ASTN2: variants seen among roughly 807,000 people sequenced by gnomAD.
ASTN2 encodes the protein astrotactin-2.
A neutral mutation model predicts 139.8 loss-of-function variants in ASTN2; 54 were observed. The observed-to-expected ratio is 0.39, with a 90% CI of 0.31 to 0.48. The LOEUF is 0.48. Among genes scored for constraint, ASTN2 ranks in the 20% least tolerant of loss-of-function variants. The probability of loss-of-function intolerance (pLI) is 0.95; values close to 1 mark genes in which losing one functional copy is unlikely to be tolerated. For synonymous variants in ASTN2, 756 were observed against 719.5 expected, an observed-to-expected ratio of 1.05 and a Z score of -0.81; for missense variants, 1,565 against 1,725.1, an observed-to-expected ratio of 0.91 and a Z score of 1.64.
At chr9:116,735,211 G>A (rs556339903) in intron 13 of ASTN2, among the ~76,000 whole-genome samples, 27 of 152,308 alleles carry the variant, frequency 1.8e-4, no homozygotes, top group African/African-American at 6.0e-4. Flanking sequence ...GCTGCTGTGT[G>A]TGGGTGTGCC....
intron 3 of ASTN2, among the ~76,000 whole-genome samples, chr9:117,197,772 C>T (rs1831554995): frequency 6.6e-6 from 1 of 152,134 alleles, no homozygotes; most frequent in African/African-American, 2.4e-5. Flanking sequence ...TTATATAATA[C>T]AAACTTCTTT....
intron 2 of ASTN2, among the ~76,000 whole-genome samples, chr9:117,261,830 C>T (rs1487975141): frequency 6.6e-6 from 1 of 152,084 alleles, no homozygotes; most frequent in African/African-American, 2.4e-5. Flanking sequence ...ATACCTTTTG[C>T]TTTTCTCAAA....
intron 2 of ASTN2, among the ~76,000 whole-genome samples, chr9:117,253,389 C>A (rs1394948369): frequency 6.6e-6 from 1 of 152,190 alleles, no homozygotes; most frequent in Non-Finnish European, 1.5e-5. Context: ...GAGCTCCAGG[C>A]TAGGGACCAA....
chr9:117,397,847 CGAA>C (rs1036941321), intron 1 of ASTN2, among the ~76,000 whole-genome samples: 6 of 152,076 alleles, frequency 3.9e-5, no homozygotes, highest in Admixed American at 6.5e-5. Context: ...AGAAGTTTAA[CGAA>C]GAAGAAGAGA....
intron 11 of ASTN2, among the ~76,000 whole-genome samples, chr9:116,852,774 A>T (rs538205495): frequency 2.2e-4 from 33 of 152,136 alleles, no homozygotes; most frequent in Non-Finnish European, 4.3e-4. Context: ...TGGGTGGAAG[A>T]GAGTCCTACA....
chr9:117,328,400 T>C (rs1828591823), intron 1 of ASTN2, among the ~76,000 whole-genome samples: 1 of 152,178 alleles, frequency 6.6e-6, no homozygotes, highest in Non-Finnish European at 1.5e-5. Flanking sequence ...TTGAGAAACT[T>C]TGGGACTGTT....
intron 5 of ASTN2, among the ~76,000 whole-genome samples, chr9:117,093,630 A>T (rs1828760979): frequency 6.6e-6 from 1 of 152,144 alleles, no homozygotes; most frequent in East Asian, 1.9e-4. Context: ...AAACTATATG[A>T]AACAGAAAAA....
chr9:117,280,983 A>C (rs1834310746), intron 2 of ASTN2, among the ~76,000 whole-genome samples: 1 of 152,218 alleles, frequency 6.6e-6, no homozygotes, highest in Admixed American at 6.5e-5. Flanking sequence ...TACATTTATT[A>C]ACTGGAATTC....
rs377327776 is a variant in ASTN2 at position 116,820,734 on chromosome 9, T to C, written c.2090A>G (p.His697Arg). The change falls in exon 12 of 23, where the codon CAC (histidine) becomes CGC (arginine). Residue 697 changes from histidine to arginine, a missense_variant. His to Arg is a conservative substitution (Grantham distance 29). This residue lies in a region of ASTN2 where 503 missense variants were observed against 591.7 expected (regional missense o/e 0.85). Transcript: ENST00000313400. ...ATCAGAGCAGTCAATGCCTTTGGAG[T>C]GGTCGTAGCAGCCAGAGCCATCCTT... ...PMKDGSGCYDHSKGIDCSDGF... is the reference protein window; with the variant it reads ...PMKDGSGCYDRSKGIDCSDGF... 4 of 1,613,856 alleles carry C rather than the reference T, an allele frequency of 2.5e-6. No individual in the cohort carries two copies. The South Asian group carries it at 4.4e-5, about 18-fold the overall frequency.
At chr9:116,449,931 A>G (rs1034644031) in intron 20 of ASTN2, among the ~76,000 whole-genome samples, 9 of 152,180 alleles carry the variant, frequency 5.9e-5, no homozygotes, top group Non-Finnish European at 8.8e-5. Context: ...CCAGCTTTTG[A>G]ATTCTTGCAG....
intron 22 of ASTN2, among the ~76,000 whole-genome samples, chr9:116,428,629 T>C (rs372089659): frequency 3.3e-5 from 5 of 152,020 alleles, no homozygotes; most frequent in African/African-American, 9.7e-5. Flanking sequence ...CAGTGAAAAC[T>C]GGAAGGAGCC....
chr9:116,474,414 T>C (rs1307604268), intron 20 of ASTN2, among the ~76,000 whole-genome samples: 1 of 151,506 alleles, frequency 6.6e-6, no homozygotes, highest in African/African-American at 2.4e-5. Flanking sequence ...GGGTTGTTGG[T>C]GGATGGGGGT....
chr9:117,282,902 C>A (rs1834358364), intron 2 of ASTN2, among the ~76,000 whole-genome samples: 1 of 134,426 alleles, frequency 7.4e-6, no homozygotes, highest in South Asian at 2.1e-4. Context: ...CAAGAGCTGA[C>A]TAGCCTGGAA....
At chr9:116,975,640 C>T (rs1015222437) in intron 9 of ASTN2, among the ~76,000 whole-genome samples, 1 of 152,180 alleles carries the variant, frequency 6.6e-6, no homozygotes, top group African/African-American at 2.4e-5. Flanking sequence ...GCAGTCCTGA[C>T]ATACAGCAGG....
chr9:116,898,554 G>A (rs1400740981), intron 10 of ASTN2, among the ~76,000 whole-genome samples: 1 of 152,100 alleles, frequency 6.6e-6, no homozygotes, highest in African/African-American at 2.4e-5. Context: ...GTGACCACAG[G>A]GCAACCTGTA....
intron 19 of ASTN2, chr9:116,612,672 T>G (rs1794238799): frequency 6.6e-6 from 1 of 151,998 alleles, no homozygotes; most frequent in Admixed American, 6.6e-5. Context: ...TTGAAACCAA[T>G]GAGAACAGGA....
intron 16 of ASTN2, among the ~76,000 whole-genome samples, chr9:116,718,972 G>GTATATATATGTATATATATATATATATA (rs373217069): frequency 3.0e-5 from 3 of 100,050 alleles, no homozygotes; most frequent in Non-Finnish European, 4.0e-5. Context: ...ACCTGTATCT[G>GTATATATATGTATATATATATATATATA]TACATATATA....
chr9:117,305,504 C>T (rs954226072), intron 1 of ASTN2, among the ~76,000 whole-genome samples: 1 of 152,120 alleles, frequency 6.6e-6, no homozygotes, highest in Non-Finnish European at 1.5e-5. Context: ...ACCTGGATTC[C>T]CACCTCTGCC....
At chr9:117,270,973 C>G (rs1264973368) in intron 2 of ASTN2, among the ~76,000 whole-genome samples, 1 of 152,178 alleles carries the variant, frequency 6.6e-6, no homozygotes, top group Non-Finnish European at 1.5e-5. Flanking sequence ...TCTCACTCAG[C>G]TTTGAACAGA....
Sources: allele counts gnomAD v4.1 joint callset (sites outside exome capture counted in the v4.1 genomes callset), GRCh38; gene constraint gnomAD v4.1.1; regional missense constraint gnomAD v4.1.1; transcripts MANE v1.5; gene names NCBI Gene and HGNC (gene_info 2026-07-23, HGNC 2026-07-21).